Variants in CWC27 observed in about 807,000 individuals in gnomAD.
CWC27 encodes the protein spliceosome-associated protein CWC27 homolog.
A neutral mutation model predicts 63.6 loss-of-function variants in CWC27; 47 were observed. That is an observed-to-expected ratio of 0.74 (90% CI 0.58 to 0.94). The LOEUF (loss-of-function observed/expected upper bound fraction) is 0.94, where lower values mean the gene tolerates loss of function less well. Ranked by LOEUF, CWC27 falls within the 40% of genes least tolerant of loss-of-function variation. CWC27 has a pLI of 0.00. For missense variants in CWC27, 495 were observed against 554.3 expected (o/e 0.89, Z 1.07); for synonymous variants, 175 against 179.8 (o/e 0.97, Z 0.22).
intron 13 of CWC27, among the ~76,000 whole-genome samples, chr5:64,993,153 T>C (rs1483311579): frequency 6.6e-6 from 1 of 152,134 alleles, no homozygotes; most frequent in African/African-American, 2.4e-5. Context: ...AAGCACTCAG[T>C]ATAGTGCCTG....
chr5:64,786,367 A>G (rs1183494192), intron 5 of CWC27, among the ~76,000 whole-genome samples, 157 bp from the exon 6 acceptor site: 2 of 152,154 alleles, frequency 1.3e-5, no homozygotes, highest in Non-Finnish European at 2.9e-5. Context: ...AGGCCGTGTA[A>G]GTGGAAGCAT....
At chr5:64,904,715 C>T (rs565843074) in intron 11 of CWC27, among the ~76,000 whole-genome samples, 5 of 152,342 alleles carry the variant, frequency 3.3e-5, no homozygotes, top group African/African-American at 1.2e-4. Context: ...TGTAGACATA[C>T]TTTAACTACC....
chr5:64,943,052 A>C (rs1748517790), intron 11 of CWC27, among the ~76,000 whole-genome samples: 1 of 152,202 alleles, frequency 6.6e-6, no homozygotes, highest in African/African-American at 2.4e-5. Flanking sequence ...CAGACATTGA[A>C]AGTCTTAAAT....
intron 10 of CWC27, among the ~76,000 whole-genome samples, chr5:64,861,051 A>C (rs551234473): frequency 6.6e-6 from 1 of 152,242 alleles, no homozygotes; most frequent in African/African-American, 2.4e-5. Flanking sequence ...AGCTGCCTAG[A>C]ATACTCCGTG....
intron 11 of CWC27, among the ~76,000 whole-genome samples, chr5:64,901,655 A>T (rs73107224): frequency 0.011 from 1,643 of 152,076 alleles, 24 homozygotes; most frequent in African/African-American, 0.038. Context: ...ATGTATTTAA[A>T]TTTTTTTCTC....
chr5:64,806,720 T>C (rs891592092), intron 10 of CWC27, among the ~76,000 whole-genome samples: 2 of 152,142 alleles, frequency 1.3e-5, no homozygotes, highest in Non-Finnish European at 2.9e-5. Context: ...CTCATGCCTG[T>C]AATCCCAGCT....
chr5:65,011,605 G>A (rs563546405), intron 13 of CWC27, among the ~76,000 whole-genome samples: 3 of 152,208 alleles, frequency 2.0e-5, no homozygotes, highest in Non-Finnish European at 4.4e-5. Context: ...GATTATAGAA[G>A]CCACATTGGG....
chr5:64,985,912 G>A (rs888779324), intron 13 of CWC27, among the ~76,000 whole-genome samples: 1 of 152,076 alleles, frequency 6.6e-6, no homozygotes, highest in Non-Finnish European at 1.5e-5. Context: ...TTGGCTCTGT[G>A]TTCCCACCCA....
At chr5:64,957,433 T>C (rs1242705183) in intron 11 of CWC27, among the ~76,000 whole-genome samples, 1 of 152,166 alleles carries the variant, frequency 6.6e-6, no homozygotes, top group East Asian at 1.9e-4. Flanking sequence ...GTGTGCTCTC[T>C]TGAGGTACCT....
chr5:64,990,276 T>C (rs1580768133), intron 13 of CWC27, among the ~76,000 whole-genome samples: 1 of 42,912 alleles, frequency 2.3e-5, no homozygotes, highest in African/African-American at 9.7e-5. Context: ...GTTTTTTTTT[T>C]TTTTTTGAGA....
At chr5:64,816,759 C>G (rs544729314) in intron 10 of CWC27, among the ~76,000 whole-genome samples, 1 of 152,106 alleles carries the variant, frequency 6.6e-6, no homozygotes, top group South Asian at 2.1e-4. Flanking sequence ...TTTTTCAGGC[C>G]TGTGAATAGA....
chr5:64,807,613 G>A (rs1410106300), intron 10 of CWC27: 11 of 1,533,692 alleles, frequency 7.2e-6, no homozygotes, highest in Non-Finnish European at 8.7e-6. Flanking sequence ...CCTTCTCTAT[G>A]CCTGTATCTT....
chr5:64,987,473 A>G (rs2112455163), intron 13 of CWC27, among the ~76,000 whole-genome samples: 1 of 152,352 alleles, frequency 6.6e-6, no homozygotes. Context: ...ACACATTTTA[A>G]GGAACTCAAC....
At chr5:64,933,491 TTCTC>T (rs1337056096) in intron 11 of CWC27, among the ~76,000 whole-genome samples, 11 of 151,406 alleles carry the variant, frequency 7.3e-5, no homozygotes, top group Non-Finnish European at 1.2e-4. Context: ...ACATTTTTCT[TTCTC>T]TTTTTTTTTT....
At chr5:64,998,576 A>G (rs1749678544) in intron 13 of CWC27, among the ~76,000 whole-genome samples, 1 of 152,126 alleles carries the variant, frequency 6.6e-6, no homozygotes, top group Non-Finnish European at 1.5e-5. Context: ...TTTTTTAACT[A>G]AGGGATACAA....
intron 12 of CWC27, among the ~76,000 whole-genome samples, chr5:64,973,213 T>C (rs112604241): frequency 6.6e-6 from 1 of 152,214 alleles, no homozygotes; most frequent in African/African-American, 2.4e-5. Flanking sequence ...CAAGGTATTT[T>C]TAAACCATGT....
chr5:64,814,827 G>A (rs922721963), intron 10 of CWC27, among the ~76,000 whole-genome samples: 3 of 152,120 alleles, frequency 2.0e-5, no homozygotes, highest in South Asian at 2.1e-4. Context: ...GCAGAAAGAC[G>A]AATTAGATTA....
intron 10 of CWC27, among the ~76,000 whole-genome samples, chr5:64,848,080 G>C (rs1409351454): frequency 2.6e-5 from 4 of 151,838 alleles, no homozygotes; most frequent in African/African-American, 4.8e-5. Flanking sequence ...CAAAATTAAG[G>C]GTTGATTTTT....
At chr5:64,861,819 CT>C (rs1339130781) in intron 10 of CWC27, among the ~76,000 whole-genome samples, 9 of 152,216 alleles carry the variant, frequency 5.9e-5, no homozygotes, top group African/African-American at 1.9e-4. Flanking sequence ...AGTTGCATTG[CT>C]ATAGGAATAT....
Sources: gnomAD v4.1 joint callset for allele counts (sites outside exome capture counted in the v4.1 genomes callset) on GRCh38, gnomAD v4.1.1 for gene constraint, MANE v1.5 for transcripts, NCBI Gene and HGNC (gene_info 2026-07-23, HGNC 2026-07-21) for gene names.